The following CCDC60 variants were observed in gnomAD, a reference collection of about 807,000 sequenced individuals.
The protein encoded by CCDC60 is coiled-coil domain containing 60.
A neutral mutation model predicts 63.5 loss-of-function variants in CCDC60; 54 were observed. The ratio of observed to expected loss-of-function variants is 0.85; its 90% CI spans 0.68 to 1.07. The LOEUF is 1.07. Ranked by LOEUF, CCDC60 falls within the 50% of genes least tolerant of loss-of-function variation. CCDC60 has a pLI of 0.00. For missense variants in CCDC60, 651 were observed against 684.3 expected (o/e 0.95, Z 0.54); for synonymous variants, 206 against 238.8 (o/e 0.86, Z 1.27).
At chr12:119,431,782 C>T (rs759289942) in intron 2 of CCDC60, among the ~76,000 whole-genome samples, 1 of 152,120 alleles carries the variant, frequency 6.6e-6, no homozygotes, top group African/African-American at 2.4e-5. Context: ...GGGTTCACGC[C>T]ATTCTCCTGC....
intron 2 of CCDC60, among the ~76,000 whole-genome samples, chr12:119,447,139 T>G (rs1403362175): frequency 2.6e-5 from 4 of 152,202 alleles, no homozygotes; most frequent in Non-Finnish European, 4.4e-5. Context: ...GTTTTACATC[T>G]GCTGGGATCC....
At chr12:119,404,483 G>A (rs1439887294) in intron 1 of CCDC60, among the ~76,000 whole-genome samples, 1 of 152,134 alleles carries the variant, frequency 6.6e-6, no homozygotes, top group Admixed American at 6.5e-5. Flanking sequence ...GAGTTTGGGG[G>A]TGGGTGTGTG....
rs773240346 is a variant in CCDC60, at chr12:119,505,231, G to C, written c.811G>C (p.Val271Leu). The C allele has an allele frequency of 3.1e-6, 5 of 1,613,864 alleles. No homozygotes were observed. The highest frequency in any genetic ancestry group is 4.2e-6 in the Non-Finnish European group (5 of 1,180,032). Residue 271 changes from valine (V) to leucine (L), a missense_variant, in exon 7 of 14, where the codon GTG becomes CTG. Coordinates refer to ENST00000327554, the MANE Select transcript of CCDC60 (RefSeq NM_178499.5). ...TGAGCCCCCAAGTGTGAACACCCAG[G>C]TGACCAGCAGCAAGGACATTGAGGA... ...SDEPPSVNTQ[V>L]TSSKDIEDNE...
chr12:119,533,738 G>A (rs1952924500), intron 13 of CCDC60, among the ~76,000 whole-genome samples: 1 of 152,116 alleles, frequency 6.6e-6, no homozygotes, highest in South Asian at 2.1e-4. Flanking sequence ...TAGATGTGTG[G>A]TGTTTTTTCT....
intron 7 of CCDC60, among the ~76,000 whole-genome samples, chr12:119,508,268 G>A (rs1952107730): frequency 6.6e-6 from 1 of 151,874 alleles, no homozygotes; most frequent in African/African-American, 2.4e-5. Context: ...TTATCAAAAG[G>A]TCAAGAGATC....
intron 1 of CCDC60, among the ~76,000 whole-genome samples, chr12:119,346,813 TTTCTTTCTTTCTTTCTTTC>T (rs1441707250): frequency 1.1e-4 from 14 of 132,908 alleles, no homozygotes; most frequent in Non-Finnish European, 1.7e-4. Context: ...TCTTTCTTTC[TTTCTTTCTTTCTTTCTTTC>T]TTTTTTTTTT....
At position 119,456,252 on chromosome 12, in the gene CCDC60, C is replaced by T. The variant is rs1428142910; in HGVS notation, c.171-15742C>T. Among the ~76,000 whole-genome samples, 1 of 152,034 alleles carries T rather than the reference C, an allele frequency of 6.6e-6. No individual in the cohort carries two copies. The highest frequency in any genetic ancestry group is 1.5e-5 in the Non-Finnish European group (1 of 68,000). The stretch of plus-strand genomic sequence containing the variant: ...ATTAAGATAGGAATGATGAGATTTG[C>T]CTTTTCAAAAAAGCCCTGGGGCAGC... On this transcript the variant is annotated intron_variant, in intron 2 of 13. Coordinates refer to ENST00000327554, the MANE Select transcript of CCDC60 (RefSeq NM_178499.5). The surrounding 1 kb of genome is among the most constrained non-coding windows in gnomAD (Gnocchi z 4.6).
At position 119,366,185 on chromosome 12, in the gene CCDC60, G is replaced by A. The variant is rs372984655; in HGVS notation, c.90+30919G>A. On this transcript the variant is annotated intron_variant, in intron 1 of 13. Coordinates refer to ENST00000327554, the MANE Select transcript of CCDC60 (RefSeq NM_178499.5). Reference sequence around the variant, plus strand: ...GAGATAAGAAAACTCCAGTTAGTACGTCACTGAAGATCTACACAGTGACGT... The same window carrying A: ...GAGATAAGAAAACTCCAGTTAGTACATCACTGAAGATCTACACAGTGACGT... 4.6e-4 allele frequency among the ~76,000 whole-genome samples: 69 copies of A among 150,312 alleles called. No individual in the cohort carries two copies. In the South Asian group the frequency reaches 0.012, roughly 26 times the overall value.
At chr12:119,539,832 C>A (rs970572871) in intron 13 of CCDC60, among the ~76,000 whole-genome samples, 4 of 152,230 alleles carry the variant, frequency 2.6e-5, no homozygotes, top group Non-Finnish European at 5.9e-5. Flanking sequence ...AAGGGAATCT[C>A]CTGGTCTGCG....
At chr12:119,378,448 A>C (rs948310787) in intron 1 of CCDC60, among the ~76,000 whole-genome samples, 13 of 152,172 alleles carry the variant, frequency 8.5e-5, no homozygotes, top group Admixed American at 6.5e-4. Flanking sequence ...TACCCTCACT[A>C]TCTGCCTAAA....
At chr12:119,440,691 GA>G (rs920587075) in intron 2 of CCDC60, among the ~76,000 whole-genome samples, 2 of 152,150 alleles carry the variant, frequency 1.3e-5, no homozygotes, top group African/African-American at 4.8e-5. Flanking sequence ...CGACACCTGT[GA>G]GGGAGTGGGA....
intron 1 of CCDC60, among the ~76,000 whole-genome samples, chr12:119,359,786 C>T (rs1955755417): frequency 6.6e-6 from 1 of 152,114 alleles, no homozygotes; most frequent in African/African-American, 2.4e-5. Flanking sequence ...ACGTCTTGCA[C>T]CGCCCTTAAT....
chr12:119,408,639 C>T (rs778585220), intron 1 of CCDC60, among the ~76,000 whole-genome samples: 2 of 152,090 alleles, frequency 1.3e-5, no homozygotes, highest in Non-Finnish European at 2.9e-5. Context: ...CTGGCTAACA[C>T]GGTGAAACCC....
chr12:119,357,453 A>G (rs1049370052), intron 1 of CCDC60, among the ~76,000 whole-genome samples: 2 of 143,364 alleles, frequency 1.4e-5, no homozygotes, highest in East Asian at 3.9e-4. Flanking sequence ...ACTTCATGAG[A>G]TCAGCTTTTT....
At chr12:119,524,403 G>T (rs758132057) in intron 11 of CCDC60, 199 of 981,554 alleles carry the variant, frequency 2.0e-4, no homozygotes, top group Admixed American at 3.1e-4. Flanking sequence ...CTTACTCCTT[G>T]ACTCCAGAGA....
intron 1 of CCDC60, among the ~76,000 whole-genome samples, chr12:119,401,819 A>G (rs969555438): frequency 6.6e-5 from 10 of 152,238 alleles, no homozygotes; most frequent in Admixed American, 5.2e-4. Flanking sequence ...CCCTGGTGTC[A>G]TGAGCAAAAG....
intron 4 of CCDC60, among the ~76,000 whole-genome samples, chr12:119,481,950 G>A (rs575275601): frequency 1.7e-5 from 2 of 117,336 alleles, no homozygotes; most frequent in South Asian, 2.3e-4. Context: ...TTATATGGAT[G>A]AGCAGTATTC....
chr12:119,426,416 C>T (rs76758617), intron 1 of CCDC60, among the ~76,000 whole-genome samples: 9,611 of 151,814 alleles, frequency 0.063, 301 homozygotes, highest in East Asian at 0.097. Context: ...ACTGCAGTGG[C>T]GCGATCTCAG....
Position 119,335,368 on chromosome 12 carries a change from C to G in CCDC60, c.90+102C>G, listed in dbSNP as rs60178268. Reference sequence around the variant, plus strand: ...TTCTAGTTCTAGATCCCTGAGGAATCGCCACACTGACTTCCACAATGGTTG... The same window carrying G: ...TTCTAGTTCTAGATCCCTGAGGAATGGCCACACTGACTTCCACAATGGTTG... On this transcript the variant is annotated intron_variant, in intron 1 of 13. Coordinates refer to ENST00000327554, the MANE Select transcript of CCDC60 (RefSeq NM_178499.5). The G allele has an allele frequency of 3.9e-3, 3,183 of 807,988 alleles. 65 individuals are homozygous for G. The African/African-American group carries it at 0.049, about 12-fold the overall frequency. 50.1% of individuals were successfully genotyped at this position (807,988 alleles called of 1,614,324 possible).
Sources: gnomAD v4.1 joint callset for allele counts (sites outside exome capture counted in the v4.1 genomes callset) on GRCh38, gnomAD v4.1.1 for gene constraint, Gnocchi (gnomAD v3.1) non-coding constraint, MANE v1.5 for transcripts, NCBI Gene and HGNC (gene_info 2026-07-23, HGNC 2026-07-21) for gene names.